Variants in GPC4 observed in about 807,000 individuals in gnomAD.
GPC4 encodes glypican 4, also known as glypican-4.
GPC4 carries 10 observed loss-of-function variants against 35.0 expected under a neutral mutation model. That is an observed-to-expected ratio of 0.29 (90% CI 0.18 to 0.48). GPC4 has a LOEUF of 0.48. GPC4 is among the 20% of genes least tolerant of loss of function. The pLI is 0.99. For synonymous variants in GPC4, 167 were observed against 170.2 expected, an observed-to-expected ratio of 0.98 and a Z score of 0.15; for missense variants, 322 against 451.3, an observed-to-expected ratio of 0.71 and a Z score of 2.60.
At chrX:133,337,151 C>T (rs1255748596) in intron 2 of GPC4, among the ~76,000 whole-genome samples, 1 of 112,305 alleles carries the variant, frequency 8.9e-6, no homozygotes, top group Admixed American at 9.5e-5. Flanking sequence ...TCAGAAAAAA[C>T]ACTGGAGTTT....
intron 1 of GPC4, among the ~76,000 whole-genome samples, chrX:133,382,485 T>C (rs766827576): frequency 1.9e-5 from 2 of 104,621 alleles, no homozygotes; most frequent in African/African-American, 7.1e-5. Flanking sequence ...TTGCAGCACT[T>C]TGGGAGGCCA....
chrX:133,321,978 A>T (rs1010797930), intron 3 of GPC4, among the ~76,000 whole-genome samples: 4 of 112,062 alleles, frequency 3.6e-5, no homozygotes, highest in African/African-American at 1.3e-4. Flanking sequence ...TCAATCAATT[A>T]ATCCTTATTA....
intron 3 of GPC4, among the ~76,000 whole-genome samples, chrX:133,316,160 A>G (rs1313711656): frequency 1.8e-5 from 2 of 112,011 alleles, no homozygotes; most frequent in Admixed American, 1.9e-4. Flanking sequence ...ATTGGTTTCT[A>G]TGATACATTT....
intron 1 of GPC4, among the ~76,000 whole-genome samples, chrX:133,373,071 C>T (rs776156983): frequency 3.8e-4 from 43 of 111,872 alleles, no homozygotes; most frequent in Non-Finnish European, 9.4e-5. Flanking sequence ...GCACTCCCTA[C>T]CAGATGTTCA....
At chrX:133,338,946 A>C (rs183587873) in intron 2 of GPC4, among the ~76,000 whole-genome samples, 12 of 111,434 alleles carry the variant, frequency 1.1e-4, no homozygotes, top group African/African-American at 3.9e-4. Flanking sequence ...AAAGCATTTA[A>C]GTTAAACTAA....
chrX:133,402,106 G>T (rs984127886), intron 1 of GPC4, among the ~76,000 whole-genome samples: 2 of 112,042 alleles, frequency 1.8e-5, no homozygotes, highest in Non-Finnish European at 3.8e-5. Flanking sequence ...TGAAGTCACT[G>T]CCAAGAAAAA....
At chrX:133,362,028 A>T (rs921513286) in intron 1 of GPC4, among the ~76,000 whole-genome samples, 4 of 110,539 alleles carry the variant, frequency 3.6e-5, no homozygotes, top group Non-Finnish European at 7.6e-5. Context: ...AGCCTGGGCA[A>T]CAGATTGAGA....
chrX:133,414,587 G>C (rs969574576), intron 1 of GPC4: 3 of 752,459 alleles, frequency 4.0e-6, no homozygotes, highest in Admixed American at 8.7e-5. Flanking sequence ...CCCTCCGCTC[G>C]CAGTGCTGGG....
chrX:133,334,387 A>C (rs767496662), intron 2 of GPC4, among the ~76,000 whole-genome samples: 1 of 112,011 alleles, frequency 8.9e-6, no homozygotes, highest in Non-Finnish European at 1.9e-5. Context: ...TGTGCATTTT[A>C]AGCTAATTCA....
intron 1 of GPC4, among the ~76,000 whole-genome samples, chrX:133,383,221 A>G (rs2068671691): frequency 8.9e-6 from 1 of 111,823 alleles, no homozygotes; most frequent in Non-Finnish European, 1.9e-5. Flanking sequence ...CTAAAATGAA[A>G]TGAACTATCA....
At chrX:133,331,063 AT>A (rs1363154490) in intron 2 of GPC4, among the ~76,000 whole-genome samples, 1 of 112,045 alleles carries the variant, frequency 8.9e-6, no homozygotes, top group East Asian at 2.8e-4. Flanking sequence ...GTACTAGGGG[AT>A]TCTGCCAAAA....
At chrX:133,350,597 C>T (rs1178944172) in intron 1 of GPC4, among the ~76,000 whole-genome samples, 1 of 111,625 alleles carries the variant, frequency 9.0e-6, no homozygotes, top group African/African-American at 3.3e-5. Context: ...GCAAACCATT[C>T]CTCAAAATTC....
intron 1 of GPC4, among the ~76,000 whole-genome samples, chrX:133,414,126 G>C (rs1413111433): frequency 9.0e-6 from 1 of 111,286 alleles, no homozygotes; most frequent in Non-Finnish European, 1.9e-5. Flanking sequence ...GAAAGTAGGA[G>C]AGTTCCCAAA....
intron 1 of GPC4, among the ~76,000 whole-genome samples, chrX:133,399,729 G>A (rs1026688228): frequency 1.4e-4 from 16 of 112,184 alleles, no homozygotes; most frequent in Admixed American, 4.7e-4. Context: ...AGCCAGGCTC[G>A]GTGGCTCACG....
chrX:133,347,116 T>C (rs777477006), intron 1 of GPC4, among the ~76,000 whole-genome samples: 21 of 110,357 alleles, frequency 1.9e-4, no homozygotes, highest in African/African-American at 6.3e-4. Context: ...TGCATCAATA[T>C]TGGTTCATCA....
At chrX:133,402,023 GATA>G (rs1225265957) in intron 1 of GPC4, among the ~76,000 whole-genome samples, 1 of 112,112 alleles carries the variant, frequency 8.9e-6, no homozygotes, top group Non-Finnish European at 1.9e-5. Context: ...AACAATAGTA[GATA>G]ATAATTTGAC....
chrX:133,325,143 A>G (rs1341692584), intron 2 of GPC4, among the ~76,000 whole-genome samples: 1 of 111,219 alleles, frequency 9.0e-6, no homozygotes, highest in Non-Finnish European at 1.9e-5. Context: ...TTTTCTGAAA[A>G]TAAGTTCCTG....
intron 2 of GPC4, among the ~76,000 whole-genome samples, chrX:133,338,887 G>A (rs905747761): frequency 9.1e-6 from 1 of 109,941 alleles, no homozygotes; most frequent in Non-Finnish European, 1.9e-5. Context: ...TTTTTTTAAA[G>A]GGACTTGCGT....
At chrX:133,315,064 T>G (rs996594405) in intron 3 of GPC4, among the ~76,000 whole-genome samples, 1 of 109,847 alleles carries the variant, frequency 9.1e-6, no homozygotes, top group Non-Finnish European at 1.9e-5. Flanking sequence ...ATGGCACATG[T>G]TGAGTAGCCT....
Sources: gnomAD v4.1 joint callset for allele counts (sites outside exome capture counted in the v4.1 genomes callset) on GRCh38, gnomAD v4.1.1 for gene constraint, MANE v1.5 for transcripts, NCBI Gene and HGNC (gene_info 2026-07-23, HGNC 2026-07-21) for gene names.